Variants in ADAM10 observed in about 807,000 individuals in gnomAD.
ADAM10 encodes the protein disintegrin and metalloproteinase domain-containing protein 10.
In ADAM10, 17 loss-of-function variants were observed where a neutral mutation model predicts 90.1. The observed-to-expected ratio is 0.19, with a 90% CI of 0.13 to 0.28. The LOEUF (loss-of-function observed/expected upper bound fraction) is 0.28, where lower values mean the gene tolerates loss of function less well. ADAM10 is among the 10% of genes least tolerant of loss of function. The pLI is 1.00. For synonymous variants in ADAM10, 310 were observed against 298.6 expected (o/e 1.04, Z -0.40); for missense variants, 610 against 914.3 (o/e 0.67, Z 4.29).
chr15:58,646,147 T>C lies in ADAM10; in HGVS notation c.643A>G (p.Thr215Ala). ...GPELLRKKRT[T>A]SAEKNTCQLY... ...TGACAAGTATTTTTTTCAGCTGAAG[T>C]TGTACGTTTTTTCCTCAGAAGTTCT... Residue 215 changes from threonine to alanine, a missense_variant, in exon 6 of 16, where the codon ACT (threonine) becomes GCT (alanine). Thr to Ala is a moderately conservative substitution (Grantham distance 58). This residue lies in a region of ADAM10 where 310 missense variants were observed against 362.4 expected (regional missense o/e 0.86). Coordinates refer to ENST00000260408, the MANE Select transcript of ADAM10 (RefSeq NM_001110.4). The C allele has an allele frequency of 6.2e-7, 1 of 1,613,656 alleles. No individual in the cohort carries two copies. The highest frequency in any genetic ancestry group is 1.1e-5 in the South Asian group (1 of 91,072).
chr15:58,622,125 C>A (rs1895804756), intron 10 of ADAM10, among the ~76,000 whole-genome samples: 1 of 152,158 alleles, frequency 6.6e-6, no homozygotes, highest in East Asian at 1.9e-4. Flanking sequence ...CTTACTCCCA[C>A]AGTTTTTTTC....
Position 58,665,206 on chromosome 15 carries a change from C to G in ADAM10, c.485-9G>C. ...GTATTTATGGGGATAGTCTAAAATACAAAGAAGAAACGTCATTACTATCAC... is the reference window on the plus strand; with the variant it reads ...GTATTTATGGGGATAGTCTAAAATAGAAAGAAGAAACGTCATTACTATCAC... On this transcript the variant is annotated splice_polypyrimidine_tract_variant and intron_variant, in intron 4 of 15. Coordinates refer to ENST00000260408, the MANE Select transcript of ADAM10 (RefSeq NM_001110.4). The G allele has an allele frequency of 6.3e-7, 1 of 1,584,042 alleles. No homozygotes were observed. The highest frequency in any genetic ancestry group is 8.7e-7 in the Non-Finnish European group (1 of 1,152,868).
chr15:58,706,246 T>C (rs1001619061), intron 2 of ADAM10, among the ~76,000 whole-genome samples: 1 of 152,308 alleles, frequency 6.6e-6, no homozygotes, highest in Admixed American at 6.5e-5. Context: ...GCAAAATCCT[T>C]GCTTCGAGGT....
chr15:58,692,868 A>G (rs1449073684), intron 2 of ADAM10: 1 of 675,366 alleles, frequency 1.5e-6, no homozygotes, highest in South Asian at 1.4e-5. Flanking sequence ...TAAATGCTTC[A>G]GTACCAGACT....
chr15:58,652,604 T>C (rs977370554), intron 5 of ADAM10, among the ~76,000 whole-genome samples: 1 of 152,198 alleles, frequency 6.6e-6, no homozygotes, highest in Non-Finnish European at 1.5e-5. Context: ...ACGTGTCTGT[T>C]TTCATGCCAG....
intron 11 of ADAM10, among the ~76,000 whole-genome samples, chr15:58,612,358 C>T (rs371922302): frequency 6.6e-6 from 1 of 152,138 alleles, no homozygotes; most frequent in Non-Finnish European, 1.5e-5. Context: ...TAACTCACAT[C>T]CCAGGGAAAT....
chr15:58,686,900 C>T (rs537224101), intron 2 of ADAM10, among the ~76,000 whole-genome samples: 11 of 152,116 alleles, frequency 7.2e-5, no homozygotes, highest in East Asian at 1.9e-4. Flanking sequence ...TACCAAAATG[C>T]ACCTCTTTCA....
chr15:58,740,416 G>GA (rs34248418), intron 1 of ADAM10, among the ~76,000 whole-genome samples: 26,098 of 130,450 alleles, frequency 0.2, 2,483 homozygotes, highest in South Asian at 0.36. Flanking sequence ...CTCTAGGGAA[G>GA]AAAAAAAAAA....
chr15:58,602,412 G>A (rs1446149781), intron 14 of ADAM10, among the ~76,000 whole-genome samples: 1 of 151,974 alleles, frequency 6.6e-6, no homozygotes, highest in East Asian at 1.9e-4. Context: ...CCCTGCTTGG[G>A]CTCTGAAACC....
chr15:58,653,898 T>C (rs1272773593), intron 5 of ADAM10, among the ~76,000 whole-genome samples: 1 of 152,220 alleles, frequency 6.6e-6, no homozygotes, highest in East Asian at 1.9e-4. Context: ...TACTTGTTAT[T>C]GGTCTGTTCA....
intron 1 of ADAM10, among the ~76,000 whole-genome samples, chr15:58,742,771 T>C (rs545707507): frequency 6.6e-6 from 1 of 152,344 alleles, no homozygotes; most frequent in East Asian, 1.9e-4. Context: ...TGCTAGATTT[T>C]TGTTCAGAAC....
At chr15:58,630,094 C>T (rs1032474779) in intron 9 of ADAM10, among the ~76,000 whole-genome samples, 2 of 152,122 alleles carry the variant, frequency 1.3e-5, no homozygotes, top group African/African-American at 4.8e-5. Context: ...CAGTTATACA[C>T]ACCTTTCTTT....
At position 58,640,832 on chromosome 15, in the gene ADAM10, T is replaced by A. The variant is rs1350368602; in HGVS notation, c.957A>T (p.Thr319=). Residue 319 remains threonine (T), a synonymous_variant, in exon 8 of 16, where the codon ACA becomes ACT. Transcript: ENST00000260408. ...HDDYCLAYVF[T]DRDFDDGVLG... ...GTACGCCATCATCAAAATCTCGGTC[T>A]GTGAAGACATAGGCCAAACAGTAGT... The A allele has an allele frequency of 3.1e-6, 5 of 1,614,072 alleles. No homozygotes were observed. The African/African-American group carries it at 6.7e-5, about 22-fold the overall frequency.
At chr15:58,732,885 A>G (rs1257007417) in intron 1 of ADAM10, 1 of 153,612 alleles carries the variant, frequency 6.5e-6, no homozygotes, top group Non-Finnish European at 1.5e-5. Context: ...ACACTGGAAA[A>G]GAGACTTCTA....
chr15:58,603,484 T>C lies in ADAM10; in HGVS notation c.2026-3760A>G, dbSNP rs1381947625. ...TACAAAGGCTTAAGAGTTTTCCTAC[T>C]AGCTTTCTCACGATGATGGGCAAGT... On this transcript the variant is annotated intron_variant, in intron 14 of 15. Coordinates refer to ENST00000260408, the MANE Select transcript of ADAM10 (RefSeq NM_001110.4). Among the ~76,000 whole-genome samples the C allele has an allele frequency of 3.3e-5, 5 of 152,204 alleles. 1 individual carries two copies. In the South Asian group the frequency reaches 6.2e-4, roughly 19 times the overall value.
At chr15:58,743,234 G>C (rs1382482139) in intron 1 of ADAM10, among the ~76,000 whole-genome samples, 1 of 152,098 alleles carries the variant, frequency 6.6e-6, no homozygotes, top group Non-Finnish European at 1.5e-5. Context: ...ATCACTATGT[G>C]TTTTTCTGTC....
rs374249563 is a variant in ADAM10, at chr15:58,717,627, T to C, written c.156A>G (p.Ala52=). 9 of 1,613,898 alleles carry C rather than the reference T, an allele frequency of 5.6e-6. No homozygotes were observed. Among genetic ancestry groups the C allele is most frequent in the African/African-American group, 1.3e-5 (1 of 74,934 alleles). The part of the protein sequence containing the change: ...LHQKHQRAKR[A]VSHEDQFLRL... Reference sequence around the variant, plus strand: ...GTAAAAATTGGTCTTCATGTGAGACTGCTCTTTTGGCACGCTGGTGTTTTT... The same window carrying C: ...GTAAAAATTGGTCTTCATGTGAGACCGCTCTTTTGGCACGCTGGTGTTTTT... Residue 52 remains alanine (A), a synonymous_variant, in exon 2 of 16, where the codon GCA becomes GCG. Coordinates refer to ENST00000260408, the MANE Select transcript of ADAM10 (RefSeq NM_001110.4).
At chr15:58,688,786 A>C (rs57677986) in intron 2 of ADAM10, among the ~76,000 whole-genome samples, 28,494 of 122,368 alleles carry the variant, frequency 0.23, 3,724 homozygotes, top group East Asian at 0.53. Flanking sequence ...ATATATATAT[A>C]TCTCTCTCTC....
At chr15:58,682,099 T>C in intron 3 of ADAM10, 97 bp downstream of exon 3, 1 of 1,551,104 alleles carries the variant, frequency 6.4e-7, no homozygotes, top group Middle Eastern at 2.4e-4. Flanking sequence ...TCTGGATTTA[T>C]AACCTTTTCT....
Sources: gnomAD v4.1 joint callset for allele counts (sites outside exome capture counted in the v4.1 genomes callset) on GRCh38, gnomAD v4.1.1 for gene constraint, gnomAD v4.1.1 regional missense constraint, MANE v1.5 for transcripts, NCBI Gene and HGNC (gene_info 2026-07-23, HGNC 2026-07-21) for gene names.